Variants in VAV2 observed in about 807,000 individuals in gnomAD.
The protein encoded by VAV2 is guanine nucleotide exchange factor VAV2.
A neutral mutation model predicts 132.5 loss-of-function variants in VAV2; 67 were observed. That is an observed-to-expected ratio of 0.51 (90% confidence interval 0.42 to 0.62). The LOEUF is 0.62. Among genes scored for constraint, VAV2 ranks in the 20% least tolerant of loss-of-function variants. The pLI is 0.00. For synonymous variants in VAV2, 492 were observed against 443.5 expected, an observed-to-expected ratio of 1.11 and a Z score of -1.37; for missense variants, 938 against 1,153.6, an observed-to-expected ratio of 0.81 and a Z score of 2.71.
intron 2 of VAV2, among the ~76,000 whole-genome samples, chr9:133,894,947 C>A (rs1392005328): frequency 6.6e-6 from 1 of 152,226 alleles, no homozygotes; most frequent in Non-Finnish European, 1.5e-5. Flanking sequence ...GAACACAGAG[C>A]CCTGGCCATC....
At chr9:133,902,281 A>G (rs1839475788) in intron 2 of VAV2, among the ~76,000 whole-genome samples, 1 of 152,244 alleles carries the variant, frequency 6.6e-6, no homozygotes, top group African/African-American at 2.4e-5. Flanking sequence ...GGCCTGGGAC[A>G]TGTCAGAAGC....
intron 1 of VAV2, among the ~76,000 whole-genome samples, chr9:133,941,610 G>T (rs994931810): frequency 0.01 from 22 of 2,098 alleles, no homozygotes; most frequent in Non-Finnish European, 0.066. Context: ...CTTTTTTTTG[G>T]GGGGGGGGGG....
intron 1 of VAV2, among the ~76,000 whole-genome samples, chr9:133,964,320 AT>A (rs1172939685): frequency 2.0e-5 from 3 of 151,218 alleles, no homozygotes; most frequent in African/African-American, 7.3e-5. Context: ...ATATATATAT[AT>A]ATACACATAT....
In VAV2 at chr9:133,794,468, C is replaced by T. The variant is rs555320038; in HGVS notation, c.1101+1200G>A. 2.0e-4 allele frequency among the ~76,000 whole-genome samples: 30 copies of T among 152,326 alleles called. No individual in the cohort carries two copies. Among genetic ancestry groups the T allele is most frequent in the East Asian group, 1.2e-3 (6 of 5,180 alleles). On this transcript the variant is annotated intron_variant, in intron 12 of 29. Coordinates refer to ENST00000371850, the MANE Select transcript of VAV2 (RefSeq NM_001134398.2). The surrounding 1 kb of genome is among the most constrained non-coding windows in gnomAD (Gnocchi z 4.6). ...CCCTGCTCAGAGAACCTCTTAGCAC[C>T]GGCGGCCAAGCACTGGCCCCACTCC... is the stretch of plus-strand genomic sequence containing the variant.
chr9:133,915,716 G>A (rs1360306517), intron 2 of VAV2, among the ~76,000 whole-genome samples: 3 of 142,720 alleles, frequency 2.1e-5, no homozygotes, highest in East Asian at 2.2e-4. Flanking sequence ...AGACGCACAC[G>A]ATGTACATGT....
intron 2 of VAV2, among the ~76,000 whole-genome samples, chr9:133,907,896 G>GGTCT (rs1839725994): frequency 6.9e-6 from 1 of 143,968 alleles, no homozygotes; most frequent in Non-Finnish European, 1.5e-5. Flanking sequence ...GAGAGTGGAG[G>GGTCT]GAGGGCCTGG....
At chr9:133,812,301 G>T in intron 4 of VAV2, 85 bp from the exon 5 acceptor site, 7 of 1,365,484 alleles carry the variant, frequency 5.1e-6, no homozygotes, top group South Asian at 1.2e-5. Flanking sequence ...GTCCACGAGG[G>T]ACGCAGGCGG....
intron 3 of VAV2, among the ~76,000 whole-genome samples, chr9:133,835,639 G>A (rs1400935686): frequency 6.6e-6 from 1 of 152,220 alleles, no homozygotes; most frequent in Non-Finnish European, 1.5e-5. Context: ...CCCGGGCCCA[G>A]ATGCCAGCTG....
At chr9:133,837,422 G>A (rs1018265040) in intron 3 of VAV2, among the ~76,000 whole-genome samples, 6 of 152,200 alleles carry the variant, frequency 3.9e-5, no homozygotes, top group Non-Finnish European at 7.3e-5. Flanking sequence ...TCGGCCAGGC[G>A]CGGTGGCTCA....
rs992710163 is a variant in VAV2, at chr9:133,768,792, C to A, written c.2435-196G>T. 3.9e-5 allele frequency among the ~76,000 whole-genome samples: 6 copies of A among 152,110 alleles called. No homozygotes were observed. Among genetic ancestry groups the A allele is most frequent in the African/African-American group, 1.4e-4 (6 of 41,402 alleles). On this transcript the variant is annotated intron_variant, in intron 28 of 29. Coordinates refer to ENST00000371850, the MANE Select transcript of VAV2 (RefSeq NM_001134398.2). The surrounding 1 kb of genome is among the most constrained non-coding windows in gnomAD (Gnocchi z 5.3). ...TCCCAGGGCCCCTTGCCCTCTGGGT[C>A]TGGGGACACAGCACATCCAAGTCCC... is the stretch of plus-strand genomic sequence containing the variant.
At chr9:133,941,561 A>T (rs912115674) in intron 1 of VAV2, among the ~76,000 whole-genome samples, 3 of 151,218 alleles carry the variant, frequency 2.0e-5, no homozygotes, top group African/African-American at 7.3e-5. Context: ...TTAATTCTGA[A>T]GAATACAGAC....
chr9:133,983,548 G>A (rs1460296720), intron 1 of VAV2, among the ~76,000 whole-genome samples: 1 of 152,088 alleles, frequency 6.6e-6, no homozygotes, highest in Non-Finnish European at 1.5e-5. Context: ...TCACTCTCAC[G>A]GCGGCCCCCA....
intron 2 of VAV2, among the ~76,000 whole-genome samples, chr9:133,872,521 G>A (rs968948479): frequency 2.8e-5 from 4 of 145,222 alleles, no homozygotes; most frequent in Non-Finnish European, 4.5e-5. Flanking sequence ...TTGAAGGGTC[G>A]GGGTCCTAGG....
At position 133,861,538 on chromosome 9, in the gene VAV2, C is replaced by A. The variant is rs1419707768; in HGVS notation, c.322-106G>T. ...AGGACGTCGAGAACTGTTAACTGAGCACATCGCATCTGGGTAAGAAACACG... is the reference window on the plus strand; with the variant it reads ...AGGACGTCGAGAACTGTTAACTGAGAACATCGCATCTGGGTAAGAAACACG... On this transcript the variant is annotated intron_variant, in intron 2 of 29. Coordinates refer to ENST00000371850, the MANE Select transcript of VAV2 (RefSeq NM_001134398.2). 4.9e-6 allele frequency: 6 copies of A among 1,229,872 alleles called. No individual in the cohort carries two copies. The East Asian group carries it at 1.5e-4, about 32-fold the overall frequency. The allele number at this position is 1,229,872 out of a possible 1,614,324, so 76.2% of individuals were successfully genotyped here.
intron 3 of VAV2, among the ~76,000 whole-genome samples, chr9:133,859,679 A>G (rs1484056201): frequency 6.6e-6 from 1 of 152,228 alleles, no homozygotes; most frequent in African/African-American, 2.4e-5. Flanking sequence ...TAACCACGCC[A>G]CTGACAGTAC....
Position 133,991,523 on chromosome 9 carries a change from G to A in VAV2, c.204+552C>T, listed in dbSNP as rs950542166. Among the ~76,000 whole-genome samples, 9 of 152,126 alleles carry A rather than the reference G, an allele frequency of 5.9e-5. No homozygotes were observed. Among genetic ancestry groups the A allele is most frequent in the African/African-American group, 1.9e-4 (8 of 41,454 alleles). On this transcript the variant is annotated intron_variant, in intron 1 of 29. Coordinates refer to ENST00000371850, the MANE Select transcript of VAV2 (RefSeq NM_001134398.2). The surrounding 1 kb of genome is among the most constrained non-coding windows in gnomAD (Gnocchi z 4.8). ...CCAAGTGGCCCGGGTCCGGGTCCGGGAAGAGGCGGAGGCCGGCGAGGGGGC... is the reference window on the plus strand; with the variant it reads ...CCAAGTGGCCCGGGTCCGGGTCCGGAAAGAGGCGGAGGCCGGCGAGGGGGC...
intron 2 of VAV2, among the ~76,000 whole-genome samples, chr9:133,871,032 A>G (rs1226886347): frequency 7.3e-6 from 1 of 137,208 alleles, no homozygotes; most frequent in Non-Finnish European, 1.5e-5. Context: ...GGATGGATGG[A>G]TGGGCAGACA....
At chr9:133,819,469 C>T (rs12337948) in intron 4 of VAV2, among the ~76,000 whole-genome samples, 29,667 of 151,056 alleles carry the variant, frequency 0.2, 3,536 homozygotes, top group African/African-American at 0.33. Flanking sequence ...AAAGAGTGAG[C>T]AACCAAAAAC....
chr9:133,958,386 C>T (rs1391088676), intron 1 of VAV2, among the ~76,000 whole-genome samples: 1 of 149,634 alleles, frequency 6.7e-6, no homozygotes, highest in Non-Finnish European at 1.5e-5. Context: ...GGCAGCAATA[C>T]TGCTTTGTAA....
Sources: gnomAD v4.1 joint callset for allele counts (sites outside exome capture counted in the v4.1 genomes callset) on GRCh38, gnomAD v4.1.1 for gene constraint, Gnocchi (gnomAD v3.1) non-coding constraint, MANE v1.5 for transcripts, NCBI Gene and HGNC (gene_info 2026-07-23, HGNC 2026-07-21) for gene names.